Variants in CHRM3 observed in about 807,000 individuals in gnomAD.
CHRM3 encodes the protein cholinergic receptor muscarinic 3.
A neutral mutation model predicts 41.8 loss-of-function variants in CHRM3; 11 were observed. That is an observed-to-expected ratio of 0.26 (90% CI 0.17 to 0.44). The LOEUF (loss-of-function observed/expected upper bound fraction) is 0.44, where lower values mean the gene tolerates loss of function less well. Among genes scored for constraint, CHRM3 ranks in the 20% least tolerant of loss-of-function variants. The pLI is 1.00. For missense variants in CHRM3, 571 were observed against 745.4 expected, an observed-to-expected ratio of 0.77 and a Z score of 2.72; for synonymous variants, 297 against 301.4, an observed-to-expected ratio of 0.99 and a Z score of 0.15.
intron 3 of CHRM3, among the ~76,000 whole-genome samples, chr1:239,551,351 G>A (rs1013267615): frequency 6.6e-5 from 10 of 151,060 alleles, no homozygotes; most frequent in Admixed American, 1.3e-4. Context: ...TGGTAGAGAC[G>A]GGGTTTCTCC....
intron 1 of CHRM3, among the ~76,000 whole-genome samples, chr1:239,449,394 A>G (rs1664396013): frequency 6.6e-6 from 1 of 152,218 alleles, no homozygotes; most frequent in Non-Finnish European, 1.5e-5. Context: ...AAATTACTAT[A>G]TAAAGACTGG....
At chr1:239,466,818 T>C (rs886133858) in intron 1 of CHRM3, among the ~76,000 whole-genome samples, 2 of 152,084 alleles carry the variant, frequency 1.3e-5, no homozygotes. Context: ...TTTGGGTACA[T>C]AAAAATCCTA....
chr1:239,721,137 A>G (rs1350030618), intron 5 of CHRM3, among the ~76,000 whole-genome samples: 2 of 151,954 alleles, frequency 1.3e-5, no homozygotes, highest in African/African-American at 4.8e-5. Flanking sequence ...CAGTATAATG[A>G]TTCCTAATTC....
At chr1:239,760,491 C>A (rs1195550578) in intron 5 of CHRM3, among the ~76,000 whole-genome samples, 3 of 152,076 alleles carry the variant, frequency 2.0e-5, no homozygotes, top group East Asian at 3.9e-4. Context: ...TACCTTTTTG[C>A]GTGGTCTTCT....
chr1:239,724,357 T>C (rs1224348229), intron 5 of CHRM3, among the ~76,000 whole-genome samples: 2 of 151,990 alleles, frequency 1.3e-5, no homozygotes, highest in Admixed American at 1.3e-4. Context: ...CTTTGTAGTA[T>C]TCTTCAGATT....
chr1:239,712,226 C>T (rs908159357), intron 5 of CHRM3, among the ~76,000 whole-genome samples: 1 of 152,042 alleles, frequency 6.6e-6, no homozygotes, highest in Non-Finnish European at 1.5e-5. Context: ...TCTTGGTCCC[C>T]GATCAATTTC....
intron 3 of CHRM3, among the ~76,000 whole-genome samples, chr1:239,617,374 T>G (rs1317664220): frequency 6.6e-6 from 1 of 152,176 alleles, no homozygotes; most frequent in Non-Finnish European, 1.5e-5. Context: ...CCTATCATCT[T>G]AGTCACTTAT....
chr1:239,521,733 T>A (rs1293971830), intron 2 of CHRM3, among the ~76,000 whole-genome samples: 1 of 151,940 alleles, frequency 6.6e-6, no homozygotes, highest in Non-Finnish European at 1.5e-5. Context: ...ATTAAACCAA[T>A]CTCAGATTTA....
chr1:239,711,836 G>A (rs951848437), intron 5 of CHRM3, among the ~76,000 whole-genome samples: 3 of 151,832 alleles, frequency 2.0e-5, no homozygotes, highest in East Asian at 1.9e-4. Flanking sequence ...CTGCAGGCAC[G>A]CACCACCATA....
chr1:239,502,131 C>T (rs1309754907), intron 2 of CHRM3, among the ~76,000 whole-genome samples: 7 of 151,862 alleles, frequency 4.6e-5, no homozygotes, highest in South Asian at 2.1e-4. Context: ...ACAAAAGATA[C>T]GTGAAACAAA....
At chr1:239,820,119 G>T (rs754941995) in intron 5 of CHRM3, among the ~76,000 whole-genome samples, 4 of 152,110 alleles carry the variant, frequency 2.6e-5, no homozygotes, top group Admixed American at 6.5e-5. Context: ...CCCTCAGAAG[G>T]TTCGCTGAAA....
chr1:239,597,645 G>T (rs10802780), intron 3 of CHRM3, among the ~76,000 whole-genome samples: 126,233 of 151,850 alleles, frequency 0.83, 54,424 homozygotes, highest in Non-Finnish European at 0.93. Context: ...TCACTTTAAT[G>T]ATAAAAAACT....
chr1:239,503,861 C>T (rs146797902), intron 2 of CHRM3, among the ~76,000 whole-genome samples: 2,519 of 152,144 alleles, frequency 0.017, 82 homozygotes, highest in African/African-American at 0.058. Context: ...ATTGGCTAGC[C>T]ACATGTAGGA....
chr1:239,652,012 A>G (rs968268887), intron 4 of CHRM3, among the ~76,000 whole-genome samples: 2 of 148,440 alleles, frequency 1.3e-5, no homozygotes, highest in Non-Finnish European at 3.0e-5. Flanking sequence ...TGATGCAGCT[A>G]CAAGGCCACC....
chr1:239,609,206 A>G (rs1227885573), intron 3 of CHRM3, among the ~76,000 whole-genome samples: 1 of 152,222 alleles, frequency 6.6e-6, no homozygotes, highest in African/African-American at 2.4e-5. Context: ...AGTATAGATT[A>G]GTTGGCATTT....
intron 4 of CHRM3, among the ~76,000 whole-genome samples, chr1:239,650,481 G>A (rs534636297): frequency 2.0e-5 from 3 of 152,292 alleles, no homozygotes; most frequent in African/African-American, 7.2e-5. Flanking sequence ...GTGTGAGTGA[G>A]CATGAGGAAT....
intron 5 of CHRM3, among the ~76,000 whole-genome samples, chr1:239,692,180 G>A (rs1035258365): frequency 1.3e-5 from 2 of 152,146 alleles, no homozygotes; most frequent in Non-Finnish European, 2.9e-5. Context: ...TTAGGCATGT[G>A]TTTTTTGAAG....
intron 5 of CHRM3, among the ~76,000 whole-genome samples, chr1:239,709,829 T>C (rs1661582936): frequency 3.3e-5 from 5 of 152,202 alleles, no homozygotes; most frequent in Admixed American, 3.3e-4. Flanking sequence ...TTGACAAAGC[T>C]ACCTTGTTTT....
At chr1:239,580,028 C>G (rs1662721736) in intron 3 of CHRM3, among the ~76,000 whole-genome samples, 1 of 152,106 alleles carries the variant, frequency 6.6e-6, no homozygotes, top group South Asian at 2.1e-4. Context: ...CTGCCTCTTC[C>G]TTAGCTGCCC....
Sources: gnomAD v4.1 joint callset for allele counts (sites outside exome capture counted in the v4.1 genomes callset) on GRCh38, gnomAD v4.1.1 for gene constraint, MANE v1.5 for transcripts, NCBI Gene and HGNC (gene_info 2026-07-23, HGNC 2026-07-21) for gene names.